ZC3H3: variants seen among roughly 807,000 people sequenced by gnomAD.
ZC3H3 encodes zinc finger CCCH domain-containing protein 3.
In ZC3H3, 36 loss-of-function variants were observed where a neutral mutation model predicts 77.3. That is an observed-to-expected ratio of 0.47 (90% CI 0.36 to 0.61). The LOEUF is 0.61. Among genes scored for constraint, ZC3H3 ranks in the 20% least tolerant of loss-of-function variants. The pLI, the probability that ZC3H3 is intolerant of heterozygous loss-of-function variation, is 0.00. For synonymous variants in ZC3H3, 626 were observed against 555.2 expected (o/e 1.13, Z -1.79); for missense variants, 1,331 against 1,312.2 (o/e 1.01, Z -0.22).
rs1406125790 is a variant in ZC3H3, at chr8:143,462,737, A to C, written c.2307+2980T>G. ...ACGGAGCAGGCACTGCAGATGCAGG[A>C]GGGCCAAGGTGTGCAGGAGCTCTCA... On this transcript the variant is annotated intron_variant, in intron 9 of 11. Transcript: ENST00000262577. The surrounding 1 kb of genome is among the most constrained non-coding windows in gnomAD (Gnocchi z 4.7). 6.6e-6 allele frequency among the ~76,000 whole-genome samples: 1 copy of C among 152,226 alleles called. No homozygotes were observed. Among genetic ancestry groups the C allele is most frequent in the East Asian group, 1.9e-4 (1 of 5,194 alleles).
In ZC3H3 at chr8:143,460,021, C is replaced by A. The variant is rs980630099; in HGVS notation, c.2307+5696G>T. ...CAGCACTTTGGGAGGCCAAGGCAGG[C>A]GGATCATCTGAGGTCACGAGTTTGA... On this transcript the variant is annotated intron_variant, in intron 9 of 11. Transcript: ENST00000262577. This position sits in a 1 kb window ranked among gnomAD's most constrained non-coding sequence, Gnocchi z 4.0. Among the ~76,000 whole-genome samples the A allele has an allele frequency of 2.6e-5, 4 of 151,766 alleles. No homozygotes were observed. Among genetic ancestry groups the A allele is most frequent in the Non-Finnish European group, 4.4e-5 (3 of 68,016 alleles).
At chr8:143,451,675 T>C (rs528546168) in intron 9 of ZC3H3, among the ~76,000 whole-genome samples, 1 of 151,512 alleles carries the variant, frequency 6.6e-6, no homozygotes, top group South Asian at 2.1e-4. Flanking sequence ...TCCCAGCTAC[T>C]TGGGAGGCTG....
intron 9 of ZC3H3, among the ~76,000 whole-genome samples, chr8:143,453,095 T>A (rs1055675464): frequency 3.3e-5 from 5 of 152,140 alleles, no homozygotes; most frequent in African/African-American, 1.2e-4. Context: ...AACTACATTA[T>A]GTTTGTTTTT....
In ZC3H3 at chr8:143,494,389, G is replaced by A. The variant is rs1821288070; in HGVS notation, c.1715+13357C>T. 1.3e-5 allele frequency among the ~76,000 whole-genome samples: 2 copies of A among 152,362 alleles called. No individual in the cohort carries two copies. Among genetic ancestry groups the A allele is most frequent in the South Asian group, 2.1e-4 (1 of 4,830 alleles). ...TCCCTCTGAGCAGGCCCCAGGCTCT[G>A]GGTGGGAAAAGCACAAATGCCTGCC... On this transcript the variant is annotated intron_variant, in intron 4 of 11. Coordinates refer to ENST00000262577, the MANE Select transcript of ZC3H3 (RefSeq NM_015117.3). This position sits in a 1 kb window ranked among gnomAD's most constrained non-coding sequence, Gnocchi z 5.3.
At chr8:143,519,725 G>C (rs941644988) in intron 3 of ZC3H3, among the ~76,000 whole-genome samples, 3 of 152,162 alleles carry the variant, frequency 2.0e-5, no homozygotes, top group Non-Finnish European at 2.9e-5. Flanking sequence ...CAGGCCCCAC[G>C]TTCAGGCCAC....
chr8:143,502,057 GCTCTCCCTGC>G (rs1454188794), intron 4 of ZC3H3, among the ~76,000 whole-genome samples: 1 of 152,220 alleles, frequency 6.6e-6, no homozygotes, highest in Non-Finnish European at 1.5e-5. Context: ...CACTCACCAC[GCTCTCCCTGC>G]CTCTCCCTGG....
chr8:143,463,907 C>T (rs534069475), intron 9 of ZC3H3, among the ~76,000 whole-genome samples: 35 of 152,368 alleles, frequency 2.3e-4, no homozygotes, highest in African/African-American at 8.2e-4. Flanking sequence ...GAGATTTACT[C>T]CCAGCCTAAA....
intron 4 of ZC3H3, among the ~76,000 whole-genome samples, chr8:143,484,108 G>T (rs1237986893): frequency 1.3e-5 from 2 of 152,214 alleles, no homozygotes; most frequent in Non-Finnish European, 2.9e-5. Context: ...GGCCCCTGAG[G>T]ACAGGGACAG....
chr8:143,524,424 T>C (rs1822346589), intron 3 of ZC3H3, among the ~76,000 whole-genome samples: 2 of 152,364 alleles, frequency 1.3e-5, no homozygotes, highest in South Asian at 4.1e-4. Context: ...CAGTACTTCA[T>C]GCCTGACTGT....
At position 143,539,339 on chromosome 8, in the gene ZC3H3, A is replaced by G. The variant is rs1457290490; in HGVS notation, c.47-19T>C. ...ATCAGACCTGAGAAGACAGAACCACAGGCCCAGTTAGCCAGAGGGTAACCG... is the reference window on the plus strand; with the variant it reads ...ATCAGACCTGAGAAGACAGAACCACGGGCCCAGTTAGCCAGAGGGTAACCG... On this transcript the variant is annotated intron_variant, in intron 1 of 11. Coordinates refer to ENST00000262577, the MANE Select transcript of ZC3H3 (RefSeq NM_015117.3). 1 of 1,577,378 alleles carries G rather than the reference A, an allele frequency of 6.3e-7. No individual in the cohort carries two copies. The highest frequency in any genetic ancestry group is 1.1e-5 in the South Asian group (1 of 87,696).
intron 4 of ZC3H3, among the ~76,000 whole-genome samples, chr8:143,499,896 C>T (rs981138977): frequency 6.6e-6 from 1 of 152,318 alleles, no homozygotes; most frequent in East Asian, 1.9e-4. Context: ...GCCCTCACAG[C>T]CCAGGAGGCC....
At chr8:143,534,644 AACCCCT>A (rs1822734286) in intron 3 of ZC3H3, among the ~76,000 whole-genome samples, 2 of 96,102 alleles carry the variant, frequency 2.1e-5, no homozygotes, top group Non-Finnish European at 5.0e-5. Flanking sequence ...ACACCTCCCC[AACCCCT>A]CCTCCCCAAG....
intron 4 of ZC3H3, among the ~76,000 whole-genome samples, chr8:143,502,558 G>A (rs1821557836): frequency 6.6e-6 from 1 of 152,218 alleles, no homozygotes; most frequent in East Asian, 1.9e-4. Context: ...GCAGCCTCGT[G>A]ACAGGACCAT....
chr8:143,524,903 C>A (rs1382477572), intron 3 of ZC3H3, among the ~76,000 whole-genome samples: 1 of 152,256 alleles, frequency 6.6e-6, no homozygotes, highest in East Asian at 1.9e-4. Context: ...CATGTACCAG[C>A]CCCTGGATCA....
In ZC3H3 at chr8:143,530,441, T is replaced by A. The variant is rs145038108; in HGVS notation, c.1561+5816A>T. Among the ~76,000 whole-genome samples the A allele has an allele frequency of 8.6e-4, 131 of 152,068 alleles. No individual in the cohort carries two copies. The highest frequency in any genetic ancestry group is 3.0e-3 in the African/African-American group (123 of 41,478). On this transcript the variant is annotated intron_variant, in intron 3 of 11. Transcript: ENST00000262577. This position sits in a 1 kb window ranked among gnomAD's most constrained non-coding sequence, Gnocchi z 4.3. ...CACCTACCATGACTTTTCCCTGGCG[T>A]AAAATAGCAGACGTTTCCATGTGGC...
At chr8:143,472,471 G>A (rs1333964798) in intron 5 of ZC3H3, among the ~76,000 whole-genome samples, 1 of 152,220 alleles carries the variant, frequency 6.6e-6, no homozygotes, top group African/African-American at 2.4e-5. Flanking sequence ...CTCCCAGGGA[G>A]GAGTGTGCAG....
chr8:143,495,299 A>C (rs985336642), intron 4 of ZC3H3, among the ~76,000 whole-genome samples: 3 of 152,274 alleles, frequency 2.0e-5, no homozygotes, highest in African/African-American at 7.2e-5. Context: ...CCAAGCTGGA[A>C]GCAATGCGAG....
At chr8:143,483,305 C>T (rs527694523) in intron 4 of ZC3H3, among the ~76,000 whole-genome samples, 137 of 152,310 alleles carry the variant, frequency 9.0e-4, no homozygotes, top group African/African-American at 3.0e-3. Context: ...CATGCGTGTG[C>T]GCGTGTGGGG....
At position 143,530,781 on chromosome 8, in the gene ZC3H3, T is replaced by G. The variant is rs981250455; in HGVS notation, c.1561+5476A>C. Among the ~76,000 whole-genome samples the G allele has an allele frequency of 6.6e-6, 1 of 152,162 alleles. No homozygotes were observed. Among genetic ancestry groups the G allele is most frequent in the African/African-American group, 2.4e-5 (1 of 41,424 alleles). ...GAGAACACTGATTGCCACAGTTATG[T>G]GAGTGGCAAACAGGACACCATTTTT... On this transcript the variant is annotated intron_variant, in intron 3 of 11. Transcript: ENST00000262577. This position sits in a 1 kb window ranked among gnomAD's most constrained non-coding sequence, Gnocchi z 4.3.
Sources: allele counts gnomAD v4.1 joint callset (sites outside exome capture counted in the v4.1 genomes callset), GRCh38; gene constraint gnomAD v4.1.1; non-coding constraint Gnocchi (gnomAD v3.1); transcripts MANE v1.5; gene names NCBI Gene and HGNC (gene_info 2026-07-23, HGNC 2026-07-21).